Variants in GMNC observed in about 807,000 individuals in gnomAD.
GMNC encodes geminin coiled-coil domain-containing protein 1.
A neutral mutation model predicts 33.6 loss-of-function variants in GMNC; 16 were observed. The ratio of observed to expected loss-of-function variants is 0.48; its 90% CI spans 0.32 to 0.72. GMNC has a LOEUF of 0.72. Ranked by LOEUF, GMNC falls within the 30% of genes least tolerant of loss-of-function variation. The pLI is 0.03. For missense variants in GMNC, 393 were observed against 388.9 expected, an observed-to-expected ratio of 1.01 and a Z score of -0.09; for synonymous variants, 156 against 147.3, an observed-to-expected ratio of 1.06 and a Z score of -0.43.
At chr3:190,850,602 CTT>C (rs1332012442), downstream of GMNC, among the ~76,000 whole-genome samples, 4 of 152,236 alleles carry the variant, frequency 2.6e-5, no homozygotes, top group African/African-American at 7.2e-5. Flanking sequence ...CTGCAGGACT[CTT>C]TGCTGAAAGT....
At chr3:190,844,138 G>A in the GMNC span, among the ~76,000 whole-genome samples, 1 of 152,016 alleles carries the variant, frequency 6.6e-6, no homozygotes, top group Non-Finnish European at 1.5e-5. Context: ...GCACGTATTT[G>A]ACAATTCTTT....
chr3:190,855,612 C>A lies in GMNC; in HGVS notation c.688G>T (p.Ala230Ser). The A allele has an allele frequency of 6.4e-7, 1 of 1,551,538 alleles. No homozygotes were observed. Among genetic ancestry groups the A allele is most frequent in the Non-Finnish European group, 8.7e-7 (1 of 1,146,872 alleles). Residue 230 changes from alanine (A) to serine (S), a missense_variant, in exon 5 of 5, where the codon GCA becomes TCA. Physicochemically the swap from Ala to Ser is moderately conservative, Grantham distance 99 (BLOSUM62 1). Transcript: ENST00000442080. ...ASTFSQFPDDAVDYKNIPRED... is the reference protein window; with the variant it reads ...ASTFSQFPDDSVDYKNIPRED... ...CTGGGGATATTTTTATAATCAACTG[C>A]ATCATCCGGAAACTGGGAAAATGTG... is the stretch of plus-strand genomic sequence containing the variant.
In GMNC at chr3:190,855,194, TCTA is replaced by T; in HGVS notation, c.*98_*100del. 8.3e-7 allele frequency: 1 copy of T among 1,206,076 alleles called. No homozygotes were observed. Among genetic ancestry groups the T allele is most frequent in the South Asian group, 1.5e-5 (1 of 64,878 alleles). 74.7% of individuals were successfully genotyped at this position (1,206,076 alleles called of 1,614,324 possible). On this transcript the variant is annotated 3_prime_UTR_variant, in exon 5 of 5. Coordinates refer to ENST00000442080, the MANE Select transcript of GMNC (RefSeq NM_001146686.3). ...TGACATTTAAAGTGGCAGGAGACAG[TCTA>T]AGCAACAGCTTCTGTGTTCCACATA...
At chr3:190,845,861 A>G in the GMNC span, among the ~76,000 whole-genome samples, 2 of 152,182 alleles carry the variant, frequency 1.3e-5, no homozygotes, top group Non-Finnish European at 2.9e-5. Flanking sequence ...AGTTTCAGGA[A>G]ATAAGCAGTG....
At chr3:190,845,513 T>TTTTTTC in the GMNC span, among the ~76,000 whole-genome samples, 336 of 125,826 alleles carry the variant, frequency 2.7e-3, 1 homozygote, top group African/African-American at 0.012. Flanking sequence ...GAAACCTTTT[T>TTTTTTC]TTTTTTTTTT....
At chr3:190,847,884 G>A (rs1737576186), downstream of GMNC, among the ~76,000 whole-genome samples, 1 of 152,104 alleles carries the variant, frequency 6.6e-6, no homozygotes, top group Non-Finnish European at 1.5e-5. Flanking sequence ...GTACATTTAA[G>A]ATCTTTACAG....
Position 190,855,355 on chromosome 3 carries a change from G to T in GMNC, c.945C>A (p.Ala315=), listed in dbSNP as rs763417313. 1 of 1,551,866 alleles carries T rather than the reference G, an allele frequency of 6.4e-7. No homozygotes were observed. The highest frequency in any genetic ancestry group is 1.4e-5 in the African/African-American group (1 of 73,140). ...VKTHSFHQGQ[A]FVRRDEEGGW... ...CTCCCTCCTCATCTCGACGCACAAA[G>T]GCTTGTCCCTGGTGGAAGGAATGAG... is the stretch of plus-strand genomic sequence containing the variant. Residue 315 remains alanine (A), a synonymous_variant, in exon 5 of 5, where the codon GCC becomes GCA. Coordinates refer to ENST00000442080, the MANE Select transcript of GMNC (RefSeq NM_001146686.3).
rs371840578 is a variant in GMNC, at chr3:190,855,552, T to G, written c.748A>C (p.Thr250Pro). Residue 250 changes from threonine (T) to proline (P), a missense_variant, in exon 5 of 5, where the codon ACA (threonine) becomes CCA (proline). Thr to Pro is a conservative substitution (Grantham distance 38). Coordinates refer to ENST00000442080, the MANE Select transcript of GMNC (RefSeq NM_001146686.3). The stretch of plus-strand genomic sequence containing the variant: ...GTGGCAGTGCTGTGCAAGGGGGTTG[T>G]TCTGTCACCTCTATAGTCAATTGGC... ...DMPIDYRGDR[T>P]TPLHSTATHG... is the part of the protein sequence containing the mutation. The G allele has an allele frequency of 6.4e-7, 1 of 1,551,660 alleles. No individual in the cohort carries two copies. Among genetic ancestry groups the G allele is most frequent in the Admixed American group, 2.0e-5 (1 of 51,008 alleles).
chr3:190,856,790 T>G (rs544132642), intron 4 of GMNC, among the ~76,000 whole-genome samples: 70 of 152,010 alleles, frequency 4.6e-4, no homozygotes, highest in African/African-American at 1.7e-3. Context: ...ATTATATTAT[T>G]CTAAATATTG....
In GMNC at chr3:190,860,739, G is replaced by A. The variant is rs1167763420; in HGVS notation, c.123C>T (p.Phe41=). The A allele has an allele frequency of 6.4e-7, 1 of 1,551,464 alleles. No individual in the cohort carries two copies. The highest frequency in any genetic ancestry group is 1.4e-5 in the African/African-American group (1 of 73,044). Residue 41 remains phenylalanine, a synonymous_variant, in exon 2 of 5, where the codon TTC becomes TTT. Transcript: ENST00000442080. ...VDVSTETWVS[F]WAAGLLDNRE... ...TGTTGTCCAGGAGACCAGCAGCCCA[G>A]AAAGAGACCCAAGTCTCCGTGGAAA...
chr3:190,846,667 C>G, the GMNC span, among the ~76,000 whole-genome samples: 1 of 152,186 alleles, frequency 6.6e-6, no homozygotes, highest in Non-Finnish European at 1.5e-5. Flanking sequence ...TACATTTGCA[C>G]TCCAGTTCAT....
chr3:190,844,115 T>C, the GMNC span, among the ~76,000 whole-genome samples: 1 of 152,166 alleles, frequency 6.6e-6, no homozygotes, highest in South Asian at 2.1e-4. Context: ...ATAACGTTTT[T>C]TCTCTTTCCA....
the GMNC span, among the ~76,000 whole-genome samples, chr3:190,844,106 T>A: frequency 6.6e-6 from 1 of 152,136 alleles, no homozygotes; most frequent in African/African-American, 2.4e-5. Flanking sequence ...CACAGTCATA[T>A]AACGTTTTTT....
chr3:190,860,561 C>T (rs1001486659), intron 2 of GMNC, 123 bp downstream of exon 2: 2 of 788,366 alleles, frequency 2.5e-6, no homozygotes, highest in African/African-American at 3.5e-5. Context: ...ATCAGGAGTC[C>T]TTGGGTTTAC....
chr3:190,844,325 C>G, the GMNC span, among the ~76,000 whole-genome samples: 1 of 151,970 alleles, frequency 6.6e-6, no homozygotes, highest in South Asian at 2.1e-4. Context: ...TGCTCCCCAC[C>G]CCAAACGCTT....
downstream of GMNC, among the ~76,000 whole-genome samples, chr3:190,850,480 A>C (rs541159459): frequency 3.9e-5 from 6 of 152,354 alleles, no homozygotes; most frequent in Admixed American, 2.6e-4. Flanking sequence ...TGCACTGGGA[A>C]GATGGGGAAG....
In GMNC at chr3:190,860,976, A is replaced by G. The variant is rs1053884221; in HGVS notation, c.4-118T>C. On this transcript the variant is annotated intron_variant, in intron 1 of 4. Transcript: ENST00000442080. Reference sequence around the variant, plus strand: ...ACATGCAGTGAAATATAAAGAAAAAAAATCAGAAAAGGTGTTAAGTATAGA... The same window carrying G: ...ACATGCAGTGAAATATAAAGAAAAAGAATCAGAAAAGGTGTTAAGTATAGA... 1.0e-5 allele frequency: 7 copies of G among 696,766 alleles called. No homozygotes were observed. The Admixed American group carries it at 1.5e-4, about 15-fold the overall frequency. 43.2% of individuals were successfully genotyped at this position (696,766 alleles called of 1,614,324 possible). A position where few individuals can be genotyped will look rare whatever the true frequency, so the allele number is the denominator to read the frequency against.
At chr3:190,858,906 C>T (rs576630285) in intron 3 of GMNC, 22 bp downstream of exon 3, 369 of 1,388,072 alleles carry the variant, frequency 2.7e-4, no homozygotes, top group Non-Finnish European at 3.3e-4. Flanking sequence ...TGACCAGTCT[C>T]AATGTTCTGA....
At chr3:190,846,433 TA>T in the GMNC span, among the ~76,000 whole-genome samples, 9 of 152,320 alleles carry the variant, frequency 5.9e-5, no homozygotes, top group East Asian at 1.5e-3. Context: ...TGTTTGATAT[TA>T]CATATATACA....
Sources: gnomAD v4.1 joint callset for allele counts (sites outside exome capture counted in the v4.1 genomes callset) on GRCh38, gnomAD v4.1.1 for gene constraint, MANE v1.5 for transcripts, NCBI Gene and HGNC (gene_info 2026-07-23, HGNC 2026-07-21) for gene names.